Variants in DOCK2 observed in about 807,000 individuals in gnomAD.
DOCK2 encodes the protein dedicator of cytokinesis protein 2.
DOCK2 carries 87 observed loss-of-function variants against 248.9 expected under a neutral mutation model. That is an observed-to-expected ratio of 0.35 (90% CI 0.29 to 0.42). DOCK2 has a LOEUF of 0.42. Among genes scored for constraint, DOCK2 ranks in the 10% least tolerant of loss-of-function variants. The pLI is 1.00. For synonymous variants in DOCK2, 805 were observed against 821.6 expected, an observed-to-expected ratio of 0.98 and a Z score of 0.35; for missense variants, 1,747 against 2,300.2, an observed-to-expected ratio of 0.76 and a Z score of 4.92.
At chr5:169,878,411 G>A (rs983590331) in intron 27 of DOCK2, among the ~76,000 whole-genome samples, 1 of 152,150 alleles carries the variant, frequency 6.6e-6, no homozygotes, top group African/African-American at 2.4e-5. Context: ...ATGCAGACCT[G>A]CATCAATTAC....
intron 2 of DOCK2, among the ~76,000 whole-genome samples, chr5:169,666,666 TA>T: frequency 6.6e-6 from 1 of 152,158 alleles, no homozygotes; most frequent in Middle Eastern, 3.2e-3. Context: ...CTGGCAGAAG[TA>T]AAAATGCCAG....
At position 169,898,332 on chromosome 5, in the gene DOCK2, TG is replaced by T. The variant is rs1234715308; in HGVS notation, c.2799+57483del. ...CATGTGATTGGTGCCTGCACAGTGTTGGGCCCACAGCAGCCAGGTGTACTGT... is the reference window on the plus strand; with the variant it reads ...CATGTGATTGGTGCCTGCACAGTGTTGGCCCACAGCAGCCAGGTGTACTGT... On this transcript the variant is annotated intron_variant, in intron 27 of 51. Coordinates refer to ENST00000520908, the MANE Select transcript of DOCK2 (RefSeq NM_004946.3). Among the ~76,000 whole-genome samples the T allele has an allele frequency of 4.6e-5, 7 of 152,330 alleles. No individual in the cohort carries two copies. In the South Asian group the frequency reaches 6.2e-4, roughly 14 times the overall value.
At chr5:169,761,465 C>CA in intron 24 of DOCK2, 54 bp from the exon 25 acceptor site, 1 of 1,463,076 alleles carries the variant, frequency 6.8e-7, no homozygotes, top group Non-Finnish European at 9.6e-7. Context: ...GTGCTATGAG[C>CA]TGGGAGACAT....
At chr5:169,716,452 A>G (rs1761919959) in intron 20 of DOCK2, 150 bp downstream of exon 20, 1 of 698,792 alleles carries the variant, frequency 1.4e-6, no homozygotes, top group African/African-American at 1.8e-5. Context: ...AAGACCAATA[A>G]TGAGCTGCTA....
intron 25 of DOCK2, among the ~76,000 whole-genome samples, chr5:169,795,946 A>T (rs1247952645): frequency 6.6e-6 from 1 of 152,240 alleles, no homozygotes; most frequent in African/African-American, 2.4e-5. Context: ...ACTTTCAGTC[A>T]ATAGGAACTT....
chr5:169,794,956 A>T (rs992214089), intron 25 of DOCK2, among the ~76,000 whole-genome samples: 1 of 152,154 alleles, frequency 6.6e-6, no homozygotes, highest in African/African-American at 2.4e-5. Context: ...TTACTTTGGG[A>T]GGCCAAGGTG....
At chr5:169,709,294 G>A (rs551427747) in intron 15 of DOCK2, among the ~76,000 whole-genome samples, 3 of 152,296 alleles carry the variant, frequency 2.0e-5, no homozygotes, top group East Asian at 3.9e-4. Flanking sequence ...TGGGGAGAAG[G>A]CAGAGGGAAG....
At chr5:169,762,530 C>T (rs1256118280) in intron 25 of DOCK2, among the ~76,000 whole-genome samples, 2 of 152,162 alleles carry the variant, frequency 1.3e-5, no homozygotes. Context: ...CAGATTTGAT[C>T]AGGCAGGATT....
At chr5:169,787,896 A>C (rs1766086781) in intron 25 of DOCK2, among the ~76,000 whole-genome samples, 1 of 151,844 alleles carries the variant, frequency 6.6e-6, no homozygotes, top group Admixed American at 6.6e-5. Flanking sequence ...AAAATTAAGA[A>C]GCCACTCTCT....
rs70979150 is a variant in DOCK2 at position 169,961,978 on chromosome 5, C to CAAAAAAAAAAAAAAAAAAAAAAA, written c.2800-21073_2800-21072insAAAAAAAAAAAAAAAAAAAAAAA. On this transcript the variant is annotated intron_variant, in intron 27 of 51. Transcript: ENST00000520908. Reference sequence around the variant, plus strand: ...TGGGTGAAAAAGTGAGACTCTGTCCCAAAAAAAAAAAAAAAAATGGAGAAA... The same window carrying CAAAAAAAAAAAAAAAAAAAAAAA: ...TGGGTGAAAAAGTGAGACTCTGTCCCAAAAAAAAAAAAAAAAAAAAAAAAAAAAAAAAAAAAAAAATGGAGAAA... Among the ~76,000 whole-genome samples, 58 of 74,620 alleles carry CAAAAAAAAAAAAAAAAAAAAAAA rather than the reference C, an allele frequency of 7.8e-4. 14 individuals are homozygous for CAAAAAAAAAAAAAAAAAAAAAAA. The highest frequency in any genetic ancestry group is 5.2e-3 in the East Asian group (12 of 2,292). The allele number at this position is 74,620 out of a possible 152,430, so 49.0% of individuals were successfully genotyped here.
chr5:169,966,435 A>C (rs1324296536), intron 27 of DOCK2, among the ~76,000 whole-genome samples: 1 of 152,180 alleles, frequency 6.6e-6, no homozygotes, highest in Non-Finnish European at 1.5e-5. Context: ...TTTATTGAGC[A>C]CTTATTCTGT....
At chr5:169,982,304 C>T (rs752335982) in intron 27 of DOCK2, among the ~76,000 whole-genome samples, 3 of 152,220 alleles carry the variant, frequency 2.0e-5, no homozygotes, top group Non-Finnish European at 2.9e-5. Flanking sequence ...AGAAAACTCA[C>T]CCTGATATGG....
chr5:169,903,444 G>A (rs1029237334), intron 27 of DOCK2, among the ~76,000 whole-genome samples: 1 of 151,656 alleles, frequency 6.6e-6, no homozygotes, highest in Non-Finnish European at 1.5e-5. Context: ...GGTGGTGTGA[G>A]TGTGAAGGCT....
chr5:169,779,663 C>T lies in DOCK2; in HGVS notation c.2554+18038C>T, dbSNP rs936661918. On this transcript the variant is annotated intron_variant, in intron 25 of 51. Transcript: ENST00000520908. ...ATGCAGGTCCAGCCATCTCCCTGTC[C>T]GTCTCTGTCTGTCTCTCATTTGTTC... is the stretch of plus-strand genomic sequence containing the variant. Among the ~76,000 whole-genome samples, 5 of 152,172 alleles carry T rather than the reference C, an allele frequency of 3.3e-5. No individual in the cohort carries two copies. In the South Asian group the frequency reaches 6.2e-4, roughly 19 times the overall value.
At chr5:169,673,632 C>T (rs1260072787) in intron 5 of DOCK2, among the ~76,000 whole-genome samples, 8 of 152,166 alleles carry the variant, frequency 5.3e-5, no homozygotes, top group South Asian at 2.1e-4. Context: ...GCTATCCTCC[C>T]GCCTTAGCCT....
intron 22 of DOCK2, among the ~76,000 whole-genome samples, chr5:169,740,817 C>T (rs1763266505): frequency 2.0e-5 from 3 of 152,148 alleles, no homozygotes; most frequent in Admixed American, 2.0e-4. Flanking sequence ...ATTTCTCTGA[C>T]CACTGTGTAT....
chr5:169,885,992 C>T (rs955625962), intron 27 of DOCK2, among the ~76,000 whole-genome samples: 5 of 152,100 alleles, frequency 3.3e-5, no homozygotes, highest in Middle Eastern at 3.2e-3. Flanking sequence ...ATTCCAAAGT[C>T]TGCATTCTTA....
intron 27 of DOCK2, among the ~76,000 whole-genome samples, chr5:169,885,541 A>C (rs1772924720): frequency 6.6e-6 from 1 of 152,230 alleles, no homozygotes; most frequent in South Asian, 2.1e-4. Flanking sequence ...ATTGCTTTTC[A>C]GGAGATAAAT....
At chr5:169,807,077 G>A (rs111394680) in intron 26 of DOCK2, among the ~76,000 whole-genome samples, 7 of 152,186 alleles carry the variant, frequency 4.6e-5, no homozygotes, top group Admixed American at 2.0e-4. Context: ...GGGGGTCCCC[G>A]GCTTGCAAAG....
Sources: allele counts gnomAD v4.1 joint callset (sites outside exome capture counted in the v4.1 genomes callset), GRCh38; gene constraint gnomAD v4.1.1; transcripts MANE v1.5; gene names NCBI Gene and HGNC (gene_info 2026-07-23, HGNC 2026-07-21).